The following VPS13C variants were observed in gnomAD, a reference collection of about 807,000 sequenced individuals.
The protein encoded by VPS13C is vacuolar protein sorting 13 homolog C, also known as intermembrane lipid transfer protein VPS13C.
Under a neutral mutation model 456.8 loss-of-function variants are expected in VPS13C, and 358 were observed. The ratio of observed to expected loss-of-function variants is 0.78; its 90% CI spans 0.72 to 0.86. VPS13C has a LOEUF of 0.86. Ranked by LOEUF, VPS13C falls within the 40% of genes least tolerant of loss-of-function variation. The pLI, the probability that VPS13C is intolerant of heterozygous loss-of-function variation, is 0.00. For synonymous variants in VPS13C, 1,578 were observed against 1,486.7 expected, an observed-to-expected ratio of 1.06 and a Z score of -1.41; for missense variants, 4,818 against 4,385.4, an observed-to-expected ratio of 1.10 and a Z score of -2.79.
rs887987804 is a variant in VPS13C at position 61,965,126 on chromosome 15, T to G, written c.3052-265A>C. On this transcript the variant is annotated intron_variant, in intron 30 of 84. Coordinates refer to ENST00000644861, the MANE Select transcript of VPS13C (RefSeq NM_020821.3). Reference sequence around the variant, plus strand: ...AGCATAATGGTTATGAAGTCTATACTCTGCTTCTCATGGCTATGCTGATAT... The same window carrying G: ...AGCATAATGGTTATGAAGTCTATACGCTGCTTCTCATGGCTATGCTGATAT... Among the ~76,000 whole-genome samples the G allele has an allele frequency of 5.3e-5, 8 of 152,084 alleles. 1 individual carries two copies. The highest frequency in any genetic ancestry group is 1.7e-4 in the African/African-American group (7 of 41,558).
chr15:61,894,380 C>T (rs1347594604), intron 66 of VPS13C, among the ~76,000 whole-genome samples: 1 of 150,290 alleles, frequency 6.7e-6, no homozygotes, highest in Non-Finnish European at 1.5e-5. Context: ...CCTTACTTAT[C>T]AATAATAATA....
At chr15:61,969,271 C>T (rs1221689129) in intron 28 of VPS13C, 28 bp downstream of exon 28, 1 of 1,495,426 alleles carries the variant, frequency 6.7e-7, no homozygotes, top group Non-Finnish European at 9.1e-7. Context: ...TTATTATAGG[C>T]TATTATTTCT....
At chr15:61,912,143 G>T in intron 62 of VPS13C, 139 bp from the exon 63 acceptor site, 1 of 803,250 alleles carries the variant, frequency 1.2e-6, no homozygotes, top group Non-Finnish European at 1.7e-6. Flanking sequence ...GTTACATTCT[G>T]CAAAAGATTA....
chr15:62,011,181 C>T (rs78972244), intron 12 of VPS13C, among the ~76,000 whole-genome samples: 9,016 of 152,024 alleles, frequency 0.059, 479 homozygotes, highest in East Asian at 0.29. Context: ...TAGGGGAATG[C>T]AAGGTGATAA....
At chr15:61,944,012 C>A (rs546578271) in intron 45 of VPS13C, among the ~76,000 whole-genome samples, 3 of 151,000 alleles carry the variant, frequency 2.0e-5, no homozygotes, top group African/African-American at 7.3e-5. Context: ...AGAAGACATA[C>A]AAGGAGCCAA....
At position 61,929,611 on chromosome 15, in the gene VPS13C, G is replaced by A. The variant is rs1201584651; in HGVS notation, c.6176C>T (p.Thr2059Ile). Residue 2059 changes from threonine to isoleucine, a missense_variant, in exon 51 of 85, where the codon ACT (threonine) becomes ATT (isoleucine). Thr to Ile is a moderately conservative substitution (Grantham distance 89, BLOSUM62 -1). This residue lies in a region of VPS13C where 4,552 missense variants were observed against 4,130.6 expected (regional missense o/e 1.10). Coordinates refer to ENST00000644861, the MANE Select transcript of VPS13C (RefSeq NM_020821.3). ...YVCASVEFLMTVADFFIKAVP... is the reference protein window; with the variant it reads ...YVCASVEFLMIVADFFIKAVP... The stretch of plus-strand genomic sequence containing the variant: ...AGCTTTGATAAAGAAATCTGCCACA[G>A]TCATCAGAAATTCCACACTGGCACA... The A allele has an allele frequency of 6.2e-7, 1 of 1,613,930 alleles. No individual in the cohort carries two copies. The highest frequency in any genetic ancestry group is 1.7e-5 in the Admixed American group (1 of 60,002).
At chr15:61,930,488 G>A (rs1178662585) in intron 50 of VPS13C, among the ~76,000 whole-genome samples, 1 of 152,060 alleles carries the variant, frequency 6.6e-6, no homozygotes, top group African/African-American at 2.4e-5. Context: ...GAGCAACACA[G>A]TTTTTCTCAA....
At chr15:62,020,059 AAATT>A (rs1040265189) in intron 9 of VPS13C, among the ~76,000 whole-genome samples, 9 of 151,558 alleles carry the variant, frequency 5.9e-5, no homozygotes, top group African/African-American at 1.9e-4. Context: ...TAATCAAAAT[AAATT>A]AATTTACATA....
At chr15:61,893,149 T>A (rs958258174) in intron 66 of VPS13C, among the ~76,000 whole-genome samples, 6 of 152,230 alleles carry the variant, frequency 3.9e-5, no homozygotes, top group East Asian at 1.9e-4. Context: ...CCAAACGGAT[T>A]CAATCCAAAG....
chr15:61,948,249 T>G (rs190819574), intron 42 of VPS13C, among the ~76,000 whole-genome samples: 1 of 152,298 alleles, frequency 6.6e-6, no homozygotes, highest in Admixed American at 6.5e-5. Context: ...ATGTACTGTA[T>G]GCATATATAA....
At chr15:62,056,939 C>T (rs1286810368) in intron 1 of VPS13C, among the ~76,000 whole-genome samples, 1 of 152,198 alleles carries the variant, frequency 6.6e-6, no homozygotes, top group African/African-American at 2.4e-5. Flanking sequence ...ATGACCCACA[C>T]TCTTTACCCT....
chr15:62,034,495 TC>T (rs1389358534), intron 4 of VPS13C, among the ~76,000 whole-genome samples: 5 of 151,608 alleles, frequency 3.3e-5, no homozygotes, highest in African/African-American at 1.2e-4. Flanking sequence ...TAAAATACTA[TC>T]ATTTCGAAGG....
chr15:62,019,146 AT>A (rs1419858165), intron 9 of VPS13C, among the ~76,000 whole-genome samples: 1 of 151,852 alleles, frequency 6.6e-6, no homozygotes, highest in Non-Finnish European at 1.5e-5. Flanking sequence ...CCCCTTTACT[AT>A]TTTTTATTGC....
In VPS13C at chr15:61,858,560, C is replaced by G. The variant is rs1314822133; in HGVS notation, c.10953-2151G>C. Among the ~76,000 whole-genome samples, 1 of 152,252 alleles carries G rather than the reference C, an allele frequency of 6.6e-6. No homozygotes were observed. Among genetic ancestry groups the G allele is most frequent in the South Asian group, 2.1e-4 (1 of 4,818 alleles). ...GATTCCCCAACCCTGGTATATATCT[C>G]TGTATAGTGCCCTGGACTTTGAATA... On this transcript the variant is annotated intron_variant, in intron 82 of 84. Transcript: ENST00000644861. The surrounding 1 kb of genome is among the most constrained non-coding windows in gnomAD (Gnocchi z 4.4).
chr15:62,001,816 A>C (rs1014701829), intron 15 of VPS13C, among the ~76,000 whole-genome samples: 1 of 152,058 alleles, frequency 6.6e-6, no homozygotes, highest in Non-Finnish European at 1.5e-5. Flanking sequence ...ATGATTTCCA[A>C]TTTCATCCAT....
In VPS13C at chr15:61,878,601, TCTTA is replaced by T; in HGVS notation, c.10142+2_10142+5del. On this transcript the variant is annotated splice_donor_variant and splice_donor_5th_base_variant and intron_variant, in intron 74 of 84. Coordinates refer to ENST00000644861, the MANE Select transcript of VPS13C (RefSeq NM_020821.3). LOFTEE classifies it high-confidence loss of function. ...GCTTCTCAATGTACTCTAACAGAAGTCTTACTTGAATATAAGGTCATCCACATCA... is the reference window on the plus strand; with the variant it reads ...GCTTCTCAATGTACTCTAACAGAAGTCTTGAATATAAGGTCATCCACATCA... The T allele has an allele frequency of 6.2e-7, 1 of 1,606,506 alleles. No individual in the cohort carries two copies. Among genetic ancestry groups the T allele is most frequent in the Non-Finnish European group, 8.5e-7 (1 of 1,177,348 alleles).
intron 5 of VPS13C, among the ~76,000 whole-genome samples, chr15:62,028,669 A>T (rs1451321034): frequency 4.6e-5 from 7 of 152,098 alleles, no homozygotes; most frequent in Non-Finnish European, 1.0e-4. Flanking sequence ...TATGTGAGGC[A>T]GGTAAATATC....
At position 61,959,537 on chromosome 15, in the gene VPS13C, A is replaced by C. The variant is rs781240780; in HGVS notation, c.3967T>G (p.Leu1323Val). 20 of 1,613,148 alleles carry C rather than the reference A, an allele frequency of 1.2e-5. No homozygotes were observed. In the African/African-American group the frequency reaches 2.4e-4, roughly 19 times the overall value. The change falls in exon 36 of 85, where the codon TTG (leucine) becomes GTG (valine). Residue 1323 changes from leucine (L) to valine (V), a missense_variant. This residue lies in a region of VPS13C where 4,552 missense variants were observed against 4,130.6 expected (regional missense o/e 1.10). Coordinates refer to ENST00000644861, the MANE Select transcript of VPS13C (RefSeq NM_020821.3). ...AGATTCCGATTTACAAGAAATTCCAAGTTAATTGGGTGCAACAGCTGAATA... is the reference window on the plus strand; with the variant it reads ...AGATTCCGATTTACAAGAAATTCCACGTTAATTGGGTGCAACAGCTGAATA... ...PDIQLLHPIN[L>V]EFLVNRNLAA...
intron 21 of VPS13C, 134 bp from the exon 22 acceptor site, chr15:61,981,612 G>C: frequency 2.4e-6 from 2 of 836,990 alleles, no homozygotes; most frequent in South Asian, 4.9e-5. Context: ...TGTCATCCCA[G>C]CACTTTGGGA....
Sources: allele counts gnomAD v4.1 joint callset (sites outside exome capture counted in the v4.1 genomes callset), GRCh38; gene constraint gnomAD v4.1.1; regional missense constraint gnomAD v4.1.1; non-coding constraint Gnocchi (gnomAD v3.1); transcripts MANE v1.5; gene names NCBI Gene and HGNC (gene_info 2026-07-23, HGNC 2026-07-21).